MAP3K15: variants seen among roughly 807,000 people sequenced by gnomAD.
MAP3K15 encodes the protein mitogen-activated protein kinase kinase kinase 15.
In MAP3K15, 124 loss-of-function variants were observed where a neutral mutation model predicts 99.5. The ratio of observed to expected loss-of-function variants is 1.25; its 90% CI spans 1.08 to 1.45. The LOEUF (loss-of-function observed/expected upper bound fraction) is 1.45. Among genes scored for constraint, MAP3K15 ranks in the 40% most tolerant of loss-of-function variants. The pLI is 0.00. For synonymous variants in MAP3K15, 494 were observed against 439.6 expected (o/e 1.12, Z -1.55); for missense variants, 1,242 against 1,079.7 (o/e 1.15, Z -2.11).
In MAP3K15 at chrX:19,398,321, G is replaced by A. The variant is rs139556701; in HGVS notation, c.1971C>T (p.Val657=). The change falls in exon 15 of 29, where the codon GTC becomes GTT. Residue 657 remains valine (V), a synonymous_variant. Transcript: ENST00000338883. ...CAATCCCATACGTGCCTTTCCCCAA[G>A]ACAACTCTCTCACCATTTGCATCAT... ...YDHDANGERV[V]LGKGTYGIVY... is the part of the protein sequence containing the mutation. 7.3e-4 allele frequency: 886 copies of A among 1,209,154 alleles called. 3 individuals carry two copies. The African/African-American group carries it at 0.013, about 18-fold the overall frequency.
chrX:19,410,108 C>T, intron 11 of MAP3K15, 135 bp from the exon 12 acceptor site: 1 of 443,328 alleles, frequency 2.3e-6, no homozygotes. Context: ...CAGCAATACA[C>T]CTTGTATAAC....
chrX:19,399,891 A>G (rs1007408370), intron 14 of MAP3K15, among the ~76,000 whole-genome samples: 2 of 111,392 alleles, frequency 1.8e-5, no homozygotes, highest in Non-Finnish European at 3.8e-5. Flanking sequence ...ACCATTGCTC[A>G]GTTCATTTCT....
chrX:19,485,301 T>G (rs1459511220), intron 3 of MAP3K15, among the ~76,000 whole-genome samples: 1 of 61,070 alleles, frequency 1.6e-5, no homozygotes, highest in Non-Finnish European at 2.7e-5. Flanking sequence ...AGAGCGAGAC[T>G]CTGTCTCAAA....
At chrX:19,412,646 A>G (rs2063698217) in intron 11 of MAP3K15, among the ~76,000 whole-genome samples, 1 of 111,643 alleles carries the variant, frequency 9.0e-6, no homozygotes, top group South Asian at 3.8e-4. Flanking sequence ...ACACTTAGTA[A>G]AAGAGTCTGA....
chrX:19,401,226 G>A (rs1436264637), intron 13 of MAP3K15, among the ~76,000 whole-genome samples: 1 of 108,048 alleles, frequency 9.3e-6, no homozygotes, highest in African/African-American at 3.4e-5. Flanking sequence ...ACAGGGTCTC[G>A]CTCTGTCGCC....
intron 6 of MAP3K15, among the ~76,000 whole-genome samples, chrX:19,448,045 A>G (rs2064014012): frequency 2.8e-5 from 3 of 108,008 alleles, no homozygotes; most frequent in Non-Finnish European, 5.8e-5. Flanking sequence ...AATCTACAGG[A>G]AAGTCAATGT....
At chrX:19,460,798 G>A (rs1299358935) in intron 4 of MAP3K15, among the ~76,000 whole-genome samples, 21 of 106,119 alleles carry the variant, frequency 2.0e-4, no homozygotes, top group East Asian at 2.9e-4. Context: ...TTTTTGAGAC[G>A]GAGTCTCCCT....
intron 6 of MAP3K15, among the ~76,000 whole-genome samples, chrX:19,451,111 C>A (rs2064034199): frequency 9.3e-6 from 1 of 107,554 alleles, no homozygotes; most frequent in Non-Finnish European, 2.0e-5. Context: ...CAGGGCGAAA[C>A]CCCATCTCTA....
chrX:19,495,671 C>T (rs2064396387), intron 1 of MAP3K15, among the ~76,000 whole-genome samples: 1 of 111,556 alleles, frequency 9.0e-6, no homozygotes, highest in Non-Finnish European at 1.9e-5. Context: ...GCTCAATGGG[C>T]TTAATTTGAG....
At chrX:19,415,929 T>C (rs780749880) in intron 9 of MAP3K15, among the ~76,000 whole-genome samples, 1 of 112,080 alleles carries the variant, frequency 8.9e-6, no homozygotes, top group East Asian at 2.8e-4. Flanking sequence ...TGGTATTATA[T>C]CAAAACTGCA....
chrX:19,473,025 C>T (rs1024115749), intron 3 of MAP3K15, among the ~76,000 whole-genome samples: 1 of 112,040 alleles, frequency 8.9e-6, no homozygotes, highest in Admixed American at 9.5e-5. Flanking sequence ...AGTCTACCCC[C>T]CAGTCAGCAG....
At chrX:19,431,677 G>A (rs2063883998) in intron 6 of MAP3K15, 69 bp from the exon 7 acceptor site, 1 of 964,981 alleles carries the variant, frequency 1.0e-6, no homozygotes, top group Non-Finnish European at 1.4e-6. Flanking sequence ...CAGGTGCAGT[G>A]GCTCCCACCT....
intron 7 of MAP3K15, among the ~76,000 whole-genome samples, chrX:19,429,510 A>G (rs192397105): frequency 9.1e-6 from 1 of 110,312 alleles, no homozygotes; most frequent in East Asian, 2.9e-4. Flanking sequence ...AAAGTAAGAC[A>G]TTGGAAGCCA....
chrX:19,447,862 C>T (rs1338981255), intron 6 of MAP3K15, among the ~76,000 whole-genome samples: 5 of 67,137 alleles, frequency 7.4e-5, no homozygotes, highest in Admixed American at 4.4e-4. Context: ...CCAGCCTGGG[C>T]GACAGAGCGA....
Position 19,464,391 on chromosome X carries a change from A to G in MAP3K15, c.541T>C (p.Tyr181His), listed in dbSNP as rs1447736881. Residue 181 changes from tyrosine (Y) to histidine (H), a missense_variant, in exon 4 of 29, where the codon TAT (tyrosine) becomes CAT (histidine). Coordinates refer to ENST00000338883, the MANE Select transcript of MAP3K15 (RefSeq NM_001001671.4). Reference sequence around the variant, plus strand: ...GTCACGATGTATGGGATGAAATAATAATTTCCACTGGATGCCTGGAAAAAA... The same window carrying G: ...GTCACGATGTATGGGATGAAATAATGATTTCCACTGGATGCCTGGAAAAAA... ...TQKNTASSGN[Y>H]YFIPYIVTPC... 5.9e-6 allele frequency: 7 copies of G among 1,184,183 alleles called. No individual in the cohort carries two copies. In the Admixed American group the frequency reaches 1.6e-4, roughly 26 times the overall value.
At chrX:19,400,759 C>A in intron 13 of MAP3K15, 96 bp from the exon 14 acceptor site, 1 of 560,994 alleles carries the variant, frequency 1.8e-6, no homozygotes, top group Non-Finnish European at 2.9e-6. Context: ...TAAATATAAA[C>A]CAAACTTTTA....
intron 6 of MAP3K15, among the ~76,000 whole-genome samples, chrX:19,432,724 T>TTG (rs2063892609): frequency 2.8e-5 from 3 of 107,691 alleles, no homozygotes; most frequent in African/African-American, 1.0e-4. Flanking sequence ...CCTTAACCTT[T>TTG]TTTTTTTTTT....
chrX:19,415,020 T>C, intron 10 of MAP3K15, 87 bp downstream of exon 10: 2 of 825,805 alleles, frequency 2.4e-6, no homozygotes, highest in Non-Finnish European at 3.3e-6. Context: ...TACAGTTTTC[T>C]TCAGTTCAGA....
intron 7 of MAP3K15, among the ~76,000 whole-genome samples, chrX:19,428,426 G>A (rs181329913): frequency 1.8e-5 from 2 of 111,267 alleles, no homozygotes; most frequent in East Asian, 5.7e-4. Flanking sequence ...ACTTCCCTTC[G>A]ATACCCTGAG....
Sources: gnomAD v4.1 joint callset for allele counts (sites outside exome capture counted in the v4.1 genomes callset) on GRCh38, gnomAD v4.1.1 for gene constraint, MANE v1.5 for transcripts, NCBI Gene and HGNC (gene_info 2026-07-23, HGNC 2026-07-21) for gene names.